LYAR: variants seen among roughly 807,000 people sequenced by gnomAD.
LYAR encodes the protein Ly1 antibody reactive.
A neutral mutation model predicts 45.2 loss-of-function variants in LYAR; 37 were observed. The observed-to-expected ratio is 0.82, with a 90% CI of 0.63 to 1.08. The LOEUF (loss-of-function observed/expected upper bound fraction) is 1.08. Among genes scored for constraint, LYAR ranks in the 50% least tolerant of loss-of-function variants. The pLI, the probability that LYAR is intolerant of heterozygous loss-of-function variation, is 0.00. For missense variants in LYAR, 493 were observed against 451.0 expected (o/e 1.09, Z -0.84); for synonymous variants, 176 against 155.1 (o/e 1.14, Z -1.00).
intron 2 of LYAR, among the ~76,000 whole-genome samples, chr4:4,285,667 T>C (rs1378891762): frequency 2.6e-5 from 4 of 152,180 alleles, no homozygotes; most frequent in Admixed American, 1.3e-4. Flanking sequence ...TCTAATAAGA[T>C]ACAACAACAA....
chr4:4,276,158 G>C (rs1719170313), intron 6 of LYAR, among the ~76,000 whole-genome samples: 1 of 152,178 alleles, frequency 6.6e-6, no homozygotes, highest in Admixed American at 6.5e-5. Flanking sequence ...CCTCTGGAGG[G>C]AAAGAGAGTG....
chr4:4,287,863 G>T lies in LYAR; in HGVS notation c.-107-1291C>A, dbSNP rs61231304. Among the ~76,000 whole-genome samples, 4 of 152,174 alleles carry T rather than the reference G, an allele frequency of 2.6e-5. No individual in the cohort carries two copies. The South Asian group carries it at 8.3e-4, about 32-fold the overall frequency. ...CCTAAGTCTTAATTATAAAACCTCT[G>T]TGCAGTGGGCAAGGAGACCACCCAT... On this transcript the variant is annotated intron_variant, in intron 1 of 9. Transcript: ENST00000343470.
rs373833827 is a variant in LYAR, at chr4:4,281,771, G to C, written c.237+12C>G. The C allele has an allele frequency of 8.1e-6, 13 of 1,598,486 alleles. No individual in the cohort carries two copies. Among genetic ancestry groups the C allele is most frequent in the African/African-American group, 5.5e-5 (4 of 73,222 alleles). Reference sequence around the variant, plus strand: ...TCAGAGGAAGCTACTCAATGAGTTAGAGAGACGTTACCTGAATCCACGCCT... The same window carrying C: ...TCAGAGGAAGCTACTCAATGAGTTACAGAGACGTTACCTGAATCCACGCCT... On this transcript the variant is annotated intron_variant, in intron 4 of 9. Coordinates refer to ENST00000343470, the MANE Select transcript of LYAR (RefSeq NM_017816.3).
At chr4:4,285,192 G>C (rs1381547594) in intron 2 of LYAR, among the ~76,000 whole-genome samples, 1 of 152,182 alleles carries the variant, frequency 6.6e-6, no homozygotes, top group African/African-American at 2.4e-5. Context: ...CGCGGTCCCA[G>C]GCCCCGCTCC....
At chr4:4,277,331 G>A (rs1243540213) in intron 6 of LYAR, among the ~76,000 whole-genome samples, 4 of 152,130 alleles carry the variant, frequency 2.6e-5, no homozygotes, top group African/African-American at 7.2e-5. Flanking sequence ...ATAGGCATGA[G>A]CCACTGTGCC....
intron 1 of LYAR, among the ~76,000 whole-genome samples, chr4:4,288,778 G>T (rs1258303086): frequency 1.3e-5 from 2 of 152,162 alleles, no homozygotes; most frequent in African/African-American, 4.8e-5. Flanking sequence ...GGGCCACTGC[G>T]CTTGGCCTTG....
intron 2 of LYAR, among the ~76,000 whole-genome samples, chr4:4,285,821 G>A (rs1295734004): frequency 6.6e-6 from 1 of 152,134 alleles, no homozygotes; most frequent in Non-Finnish European, 1.5e-5. Context: ...TCCTGTCCCA[G>A]CAGGAATTAA....
intron 8 of LYAR, 189 bp from the exon 9 acceptor site, chr4:4,268,804 T>A (rs1196769132): frequency 1.9e-6 from 1 of 530,030 alleles, no homozygotes; most frequent in Non-Finnish European, 3.3e-6. Flanking sequence ...TTCAAAGGAC[T>A]GGCTCTTAAG....
At chr4:4,286,119 C>T (rs12108431) in intron 2 of LYAR, among the ~76,000 whole-genome samples, 55,249 of 152,070 alleles carry the variant, frequency 0.36, 11,259 homozygotes, top group Middle Eastern at 0.55. Context: ...TGCCTTCCTC[C>T]GGATTTTTAC....
In LYAR at chr4:4,281,869, A is replaced by C. The variant is rs767920952; in HGVS notation, c.151T>G (p.Cys51Gly). The C allele has an allele frequency of 2.5e-6, 4 of 1,614,036 alleles. No homozygotes were observed. The East Asian group carries it at 8.9e-5, about 36-fold the overall frequency. Residue 51 changes from cysteine to glycine, a missense_variant, in exon 4 of 10, where the codon TGC becomes GGC. Physicochemically the swap from Cys to Gly is radical, Grantham distance 159. Transcript: ENST00000343470. The part of the protein sequence containing the change: ...WGDDYKNHVK[C>G]ISEDQKYGGK... ...CCATACTTCTGATCTTCACTTATGCATTTCACGTGGTTTTTATAGTCATCG... is the reference window on the plus strand; with the variant it reads ...CCATACTTCTGATCTTCACTTATGCCTTTCACGTGGTTTTTATAGTCATCG...
At chr4:4,279,162 T>TAA (rs34141345) in intron 6 of LYAR, among the ~76,000 whole-genome samples, 47,618 of 146,276 alleles carry the variant, frequency 0.33, 7,796 homozygotes, top group African/African-American at 0.38. Context: ...CTGTCTCTGC[T>TAA]AAAAAAAAAA....
chr4:4,278,859 T>C (rs1719288302), intron 6 of LYAR, among the ~76,000 whole-genome samples: 1 of 152,220 alleles, frequency 6.6e-6, no homozygotes, highest in Non-Finnish European at 1.5e-5. Context: ...TCCTGTTCTT[T>C]CTTTCCCATG....
chr4:4,286,716 G>C (rs1187508024), intron 1 of LYAR, 144 bp from the exon 2 acceptor site: 4 of 145,774 alleles, frequency 2.7e-5, no homozygotes, highest in Admixed American at 7.1e-5. Context: ...GTGCATTCTT[G>C]GCTCACTGCA....
chr4:4,288,034 G>A (rs1319483342), intron 1 of LYAR, among the ~76,000 whole-genome samples: 1 of 152,140 alleles, frequency 6.6e-6, no homozygotes, highest in Non-Finnish European at 1.5e-5. Flanking sequence ...CTCAGGTGTA[G>A]AGGATCTGAG....
chr4:4,279,647 A>G lies in LYAR; in HGVS notation c.340T>C (p.Phe114Leu). Residue 114 changes from phenylalanine (F) to leucine (L), a missense_variant, in exon 5 of 10, where the codon TTT (phenylalanine) becomes CTT (leucine). Transcript: ENST00000343470. ...FDNVPRKKAK[F>L]QNWMKNSLKV... ...TCAAGAAAGTCAATTCATACCTGAA[A>G]TTTTGCCTTTTTCCTGGGAACGTTG... 6.2e-7 allele frequency: 1 copy of G among 1,613,478 alleles called. No homozygotes were observed. Among genetic ancestry groups the G allele is most frequent in the Non-Finnish European group, 8.5e-7 (1 of 1,179,488 alleles).
At chr4:4,276,828 G>C (rs1719202095) in intron 6 of LYAR, among the ~76,000 whole-genome samples, 1 of 152,078 alleles carries the variant, frequency 6.6e-6, no homozygotes, top group South Asian at 2.1e-4. Context: ...CTGTACTCCA[G>C]CCTGGGTGAC....
chr4:4,271,131 C>G (rs535252226), intron 8 of LYAR, among the ~76,000 whole-genome samples: 50 of 152,168 alleles, frequency 3.3e-4, no homozygotes, highest in South Asian at 2.9e-3. Context: ...TCTTGATACC[C>G]ATTAACCATC....
At chr4:4,273,947 T>C (rs1204515939) in intron 7 of LYAR, among the ~76,000 whole-genome samples, 1 of 152,144 alleles carries the variant, frequency 6.6e-6, no homozygotes, top group East Asian at 1.9e-4. Flanking sequence ...GTTCAAAACA[T>C]AAGGTCTAGC....
Position 4,274,362 on chromosome 4 carries a change from C to A in LYAR, c.832+5G>T. The A allele has an allele frequency of 6.2e-7, 1 of 1,607,218 alleles. No homozygotes were observed. The highest frequency in any genetic ancestry group is 8.5e-7 in the Non-Finnish European group (1 of 1,176,038). ...TGAATCCCAGAGCGTGAGCTAGCCA[C>A]TTACCTTCCGAGTGCCTCCGCTTCC... On this transcript the variant is annotated splice_donor_5th_base_variant and intron_variant, in intron 7 of 9. Coordinates refer to ENST00000343470, the MANE Select transcript of LYAR (RefSeq NM_017816.3).
Sources: allele counts gnomAD v4.1 joint callset (sites outside exome capture counted in the v4.1 genomes callset), GRCh38; gene constraint gnomAD v4.1.1; transcripts MANE v1.5; gene names NCBI Gene and HGNC (gene_info 2026-07-23, HGNC 2026-07-21).